ADCY2: variants seen among roughly 807,000 people sequenced by gnomAD.
ADCY2 encodes the protein adenylate cyclase 2.
A neutral mutation model predicts 125.2 loss-of-function variants in ADCY2; 31 were observed. The ratio of observed to expected loss-of-function variants is 0.25; its 90% CI spans 0.19 to 0.33. The LOEUF (loss-of-function observed/expected upper bound fraction) is 0.33. Among genes scored for constraint, ADCY2 ranks in the 10% least tolerant of loss-of-function variants. ADCY2 has a pLI of 1.00. For synonymous variants in ADCY2, 512 were observed against 548.4 expected (o/e 0.93, Z 0.93); for missense variants, 904 against 1,418.2 (o/e 0.64, Z 5.82).
At chr5:7,755,687 CG>C (rs1742971023) in intron 15 of ADCY2, among the ~76,000 whole-genome samples, 1 of 152,134 alleles carries the variant, frequency 6.6e-6, no homozygotes, top group African/African-American at 2.4e-5. Context: ...CATTAATTTG[CG>C]CAAGTTTCCC....
chr5:7,723,641 G>A lies in ADCY2; in HGVS notation c.1704-904G>A, dbSNP rs116639924. ...TTTTTATCAATTTTTTAAAAACTCG[G>A]GACAGGCGCGGTGGCTCACGCCTGT... On this transcript the variant is annotated intron_variant, in intron 12 of 24. Transcript: ENST00000338316. Among the ~76,000 whole-genome samples, 1,044 of 152,130 alleles carry A rather than the reference G, an allele frequency of 6.9e-3. 5 individuals carry two copies. The highest frequency in any genetic ancestry group is 0.011 in the Non-Finnish European group (732 of 68,004).
intron 2 of ADCY2, among the ~76,000 whole-genome samples, chr5:7,507,691 G>A (rs1473336353): frequency 6.6e-6 from 1 of 152,118 alleles, no homozygotes; most frequent in Non-Finnish European, 1.5e-5. Context: ...AGGACCTCCT[G>A]GTGTTGGAAC....
At chr5:7,632,403 C>G (rs1468598717) in intron 4 of ADCY2, among the ~76,000 whole-genome samples, 2 of 152,002 alleles carry the variant, frequency 1.3e-5, no homozygotes, top group Non-Finnish European at 2.9e-5. Flanking sequence ...AACTTCCATC[C>G]ATCTTGGTCA....
At chr5:7,477,876 A>C (rs555052303) in intron 2 of ADCY2, among the ~76,000 whole-genome samples, 2 of 152,236 alleles carry the variant, frequency 1.3e-5, no homozygotes, top group South Asian at 4.1e-4. Flanking sequence ...ATATTTAATT[A>C]CATCAGATAT....
chr5:7,727,160 T>G lies in ADCY2; in HGVS notation c.1774-4T>G. The G allele has an allele frequency of 6.2e-7, 1 of 1,611,880 alleles. No individual in the cohort carries two copies. The highest frequency in any genetic ancestry group is 1.7e-4 in the Middle Eastern group (1 of 5,928). ...TCACTCACAGGTTCCTTTCTCCCCCTCAGTACCGGGCCACGGCACTGCCAG... is the reference window on the plus strand; with the variant it reads ...TCACTCACAGGTTCCTTTCTCCCCCGCAGTACCGGGCCACGGCACTGCCAG... On this transcript the variant is annotated splice_polypyrimidine_tract_variant and splice_region_variant and intron_variant, in intron 13 of 24. Transcript: ENST00000338316.
chr5:7,469,981 A>G (rs1295393372), intron 2 of ADCY2, among the ~76,000 whole-genome samples: 1 of 151,706 alleles, frequency 6.6e-6, no homozygotes, highest in Non-Finnish European at 1.5e-5. Context: ...TACATGAGGA[A>G]ATTTTACCCA....
Position 7,563,092 on chromosome 5 carries a change from T to G in ADCY2, c.570+42193T>G, listed in dbSNP as rs116635505. The stretch of plus-strand genomic sequence containing the variant: ...ATTTAGTGTTTGATCCCACCATATT[T>G]GGGATCTACTTATGAAAGAGGTGAT... On this transcript the variant is annotated intron_variant, in intron 3 of 24. Coordinates refer to ENST00000338316, the MANE Select transcript of ADCY2 (RefSeq NM_020546.3). 3.1e-3 allele frequency among the ~76,000 whole-genome samples: 473 copies of G among 152,340 alleles called. 3 individuals are homozygous for G. The highest frequency in any genetic ancestry group is 0.011 in the African/African-American group (458 of 41,572).
At chr5:7,624,818 C>G (rs1418423262) in intron 3 of ADCY2, among the ~76,000 whole-genome samples, 2 of 152,038 alleles carry the variant, frequency 1.3e-5, no homozygotes, top group Admixed American at 6.6e-5. Flanking sequence ...ACTGATGCCA[C>G]TGACTTGTTA....
intron 3 of ADCY2, among the ~76,000 whole-genome samples, chr5:7,545,742 G>GC (rs1249649238): frequency 1.3e-5 from 2 of 152,218 alleles, no homozygotes; most frequent in Admixed American, 6.5e-5. Context: ...GCATGCGGTC[G>GC]GTGGGTTACA....
intron 16 of ADCY2, among the ~76,000 whole-genome samples, chr5:7,758,991 C>T (rs1275131079): frequency 6.6e-6 from 1 of 152,188 alleles, no homozygotes; most frequent in Non-Finnish European, 1.5e-5. Context: ...CCTGCAGATT[C>T]AGGTGAGGGT....
At chr5:7,716,655 C>G (rs1741600321) in intron 11 of ADCY2, among the ~76,000 whole-genome samples, 1 of 152,140 alleles carries the variant, frequency 6.6e-6, no homozygotes, top group South Asian at 2.1e-4. Context: ...ACTTGATTAG[C>G]AGAATTAAAC....
At chr5:7,484,415 G>A (rs563174286) in intron 2 of ADCY2, among the ~76,000 whole-genome samples, 7 of 152,298 alleles carry the variant, frequency 4.6e-5, no homozygotes, top group African/African-American at 1.4e-4. Context: ...GTGTGAGTGT[G>A]CCTGTTGATC....
chr5:7,567,360 T>C (rs1034139611), intron 3 of ADCY2, among the ~76,000 whole-genome samples: 4 of 152,160 alleles, frequency 2.6e-5, no homozygotes, highest in African/African-American at 7.2e-5. Context: ...GATTTTAGCA[T>C]TTGCTTATTT....
chr5:7,603,784 CTTTTTTTTTTTTTTTTTTTT>C, intron 3 of ADCY2, among the ~76,000 whole-genome samples: 4 of 62,800 alleles, frequency 6.4e-5, no homozygotes, highest in African/African-American at 2.7e-4. Context: ...TGCTCTCTTT[CTTTTTTTTTTTTTTTTTTTT>C]TTTTTCTTTT....
chr5:7,583,852 A>G (rs1736519089), intron 3 of ADCY2, among the ~76,000 whole-genome samples: 1 of 152,142 alleles, frequency 6.6e-6, no homozygotes, highest in Non-Finnish European at 1.5e-5. Flanking sequence ...AATAATGGCT[A>G]TACAAACTAT....
chr5:7,727,405 C>T, intron 14 of ADCY2, 144 bp downstream of exon 14: 1 of 657,490 alleles, frequency 1.5e-6, no homozygotes, highest in Non-Finnish European at 2.6e-6. Context: ...AACCCAGGAC[C>T]TCGGAGGTTA....
intron 3 of ADCY2, among the ~76,000 whole-genome samples, chr5:7,620,029 C>T (rs187886711): frequency 6.6e-6 from 1 of 152,284 alleles, no homozygotes; most frequent in East Asian, 1.9e-4. Context: ...CTTATCTCTT[C>T]CTGTTGGCTT....
At chr5:7,784,499 T>C (rs762016552) in intron 19 of ADCY2, 50 bp downstream of exon 19, 1 of 1,354,802 alleles carries the variant, frequency 7.4e-7, no homozygotes, top group South Asian at 1.2e-5. Context: ...TAAAGTGCTG[T>C]ATTAATAGTG....
intron 2 of ADCY2, 112 bp from the exon 3 acceptor site, chr5:7,520,625 TA>T: frequency 1.7e-6 from 2 of 1,178,064 alleles, no homozygotes; most frequent in Non-Finnish European, 2.4e-6. Context: ...AGATTATTTC[TA>T]AAATGAGCAT....
Sources: gnomAD v4.1 joint callset for allele counts (sites outside exome capture counted in the v4.1 genomes callset) on GRCh38, gnomAD v4.1.1 for gene constraint, MANE v1.5 for transcripts, NCBI Gene and HGNC (gene_info 2026-07-23, HGNC 2026-07-21) for gene names.